The following SPMIP2 variants were observed in gnomAD, a reference collection of about 807,000 sequenced individuals.
SPMIP2 encodes the protein sperm microtubule inner protein 2, also known as protein SPMIP2.
the SPMIP2 span, among the ~76,000 whole-genome samples, chr4:158,963,973 G>T: frequency 6.6e-6 from 1 of 151,972 alleles, no homozygotes; most frequent in Non-Finnish European, 1.5e-5. Flanking sequence ...GGCTGATACG[G>T]TGAAACCCCA....
the SPMIP2 span, among the ~76,000 whole-genome samples, chr4:158,945,679 A>G: frequency 3.3e-5 from 5 of 152,192 alleles, no homozygotes; most frequent in African/African-American, 1.2e-4. Flanking sequence ...TTGGGAAACC[A>G]CACCAGCCAC....
the SPMIP2 span, among the ~76,000 whole-genome samples, chr4:158,987,616 C>A: frequency 2.0e-5 from 3 of 151,966 alleles, no homozygotes; most frequent in Admixed American, 6.6e-5. Context: ...ACAACACACT[C>A]TGGGGACTGT....
the SPMIP2 span, among the ~76,000 whole-genome samples, chr4:158,954,739 T>C: frequency 6.6e-6 from 1 of 152,040 alleles, no homozygotes; most frequent in East Asian, 1.9e-4. Context: ...CATTAGAAAA[T>C]AAAAACAGGC....
At chr4:159,037,823 CACACAT>C in the SPMIP2 span, among the ~76,000 whole-genome samples, 8,287 of 143,286 alleles carry the variant, frequency 0.058, 300 homozygotes, top group Non-Finnish European at 0.08. Flanking sequence ...CACACACACA[CACACAT>C]ATATATATGT....
chr4:159,058,490 T>C, the SPMIP2 span, among the ~76,000 whole-genome samples: 1 of 152,218 alleles, frequency 6.6e-6, no homozygotes, highest in African/African-American at 2.4e-5. Context: ...CTTATAAAAA[T>C]GTATGTCATT....
At chr4:159,044,368 CAAA>C in the SPMIP2 span, among the ~76,000 whole-genome samples, 792 of 100,236 alleles carry the variant, frequency 7.9e-3, 7 homozygotes, top group African/African-American at 0.022. Flanking sequence ...GACTCCATCT[CAAA>C]AAAAAAAAAA....
the SPMIP2 span, among the ~76,000 whole-genome samples, chr4:159,070,634 A>G: frequency 2.6e-5 from 4 of 152,298 alleles, no homozygotes; most frequent in Middle Eastern, 6.8e-3. Flanking sequence ...CTAACTTTGG[A>G]GGTATTTCTT....
chr4:159,072,446 GAATT>G, the SPMIP2 span, among the ~76,000 whole-genome samples: 1 of 136,782 alleles, frequency 7.3e-6, no homozygotes, highest in Non-Finnish European at 1.5e-5. Context: ...TTAATCTTAT[GAATT>G]CTTTTTTTTT....
At chr4:158,903,789 C>T in the SPMIP2 span, among the ~76,000 whole-genome samples, 1 of 152,248 alleles carries the variant, frequency 6.6e-6, no homozygotes, top group African/African-American at 2.4e-5. Context: ...ACATAGTCCA[C>T]AAACTGAAAC....
At chr4:158,953,393 A>G in the SPMIP2 span, among the ~76,000 whole-genome samples, 1 of 152,258 alleles carries the variant, frequency 6.6e-6, no homozygotes, top group Non-Finnish European at 1.5e-5. Flanking sequence ...GCGAGTACAC[A>G]TAAGTCAAGA....
the SPMIP2 span, among the ~76,000 whole-genome samples, chr4:159,004,421 G>C: frequency 6.7e-6 from 1 of 150,024 alleles, no homozygotes; most frequent in African/African-American, 2.4e-5. Flanking sequence ...CTCCTGAGTA[G>C]CTGTGATTAC....
chr4:159,016,708 T>C, the SPMIP2 span, among the ~76,000 whole-genome samples: 1 of 152,228 alleles, frequency 6.6e-6, no homozygotes, highest in South Asian at 2.1e-4. Context: ...GGAGTCTAAC[T>C]GGGCTTTCAA....
At chr4:159,004,081 A>G in the SPMIP2 span, among the ~76,000 whole-genome samples, 5 of 151,880 alleles carry the variant, frequency 3.3e-5, no homozygotes, top group African/African-American at 1.2e-4. Context: ...CAGTGGCGCA[A>G]TCCTGGATTA....
chr4:158,895,300 A>G, the SPMIP2 span, among the ~76,000 whole-genome samples: 3 of 152,344 alleles, frequency 2.0e-5, no homozygotes, highest in East Asian at 5.8e-4. Flanking sequence ...ATTGGGGGAA[A>G]AAAACAAAAA....
chr4:158,964,206 T>C, the SPMIP2 span, among the ~76,000 whole-genome samples: 2 of 147,008 alleles, frequency 1.4e-5, no homozygotes, highest in Non-Finnish European at 1.5e-5. Flanking sequence ...TGTGGAGGGA[T>C]CATGGAGTGA....
At chr4:158,940,199 T>G in the SPMIP2 span, among the ~76,000 whole-genome samples, 4 of 152,344 alleles carry the variant, frequency 2.6e-5, no homozygotes, top group East Asian at 7.7e-4. Flanking sequence ...TGTCTTTACA[T>G]GGTTCTCCCT....
the SPMIP2 span, among the ~76,000 whole-genome samples, chr4:159,015,726 T>A: frequency 1.3e-5 from 2 of 152,344 alleles, no homozygotes; most frequent in Middle Eastern, 3.4e-3. Flanking sequence ...TAAGATAAAG[T>A]ATAAATATGA....
the SPMIP2 span, among the ~76,000 whole-genome samples, chr4:158,971,427 G>T: frequency 6.6e-6 from 1 of 152,070 alleles, no homozygotes; most frequent in Non-Finnish European, 1.5e-5. Flanking sequence ...CTCAGAAACT[G>T]GTCTTCTTTG....
At chr4:159,005,221 CA>C in the SPMIP2 span, among the ~76,000 whole-genome samples, 234 of 53,114 alleles carry the variant, frequency 4.4e-3, 2 homozygotes, top group African/African-American at 9.8e-3. Context: ...GACTCCGCCT[CA>C]AAAAAAAAAA....
Sources: allele counts gnomAD v4.1 joint callset (sites outside exome capture counted in the v4.1 genomes callset), GRCh38; gene constraint gnomAD v4.1.1; transcripts MANE v1.5; gene names NCBI Gene and HGNC (gene_info 2026-07-23, HGNC 2026-07-21).